Variants in SPRED3 observed in about 807,000 individuals in gnomAD.
SPRED3 encodes the protein sprouty related EVH1 domain containing 3.
SPRED3 carries 23 observed loss-of-function variants against 37.6 expected under a neutral mutation model. The ratio of observed to expected loss-of-function variants is 0.61; its 90% CI spans 0.44 to 0.87. The LOEUF is 0.87. Among genes scored for constraint, SPRED3 ranks in the 40% least tolerant of loss-of-function variants. The pLI is 0.00. For synonymous variants in SPRED3, 302 were observed against 279.6 expected, an observed-to-expected ratio of 1.08 and a Z score of -0.80; for missense variants, 584 against 618.6, an observed-to-expected ratio of 0.94 and a Z score of 0.59.
Position 38,388,815 on chromosome 19 carries a change from C to G in SPRED3, c.-5+8C>G. The G allele has an allele frequency of 2.5e-6, 1 of 397,818 alleles. No individual in the cohort carries two copies. The allele number at this position is 397,818 out of a possible 1,614,324, so 24.6% of individuals were successfully genotyped here. On this transcript the variant is annotated splice_region_variant and intron_variant, in intron 1 of 5. Transcript: ENST00000691638. Reference sequence around the variant, plus strand: ...CCGGCCGGAGCCTCGCAGGCAGGTGCCGAGGGGGGCGAGGGGGCGGGGGCT... The same window carrying G: ...CCGGCCGGAGCCTCGCAGGCAGGTGGCGAGGGGGGCGAGGGGGCGGGGGCT...
chr19:38,392,220 A>ACCC lies in SPRED3; in HGVS notation c.358_360dup (p.Pro120dup), dbSNP rs746461210. On this transcript the variant is annotated inframe_insertion, in exon 4 of 6. Coordinates refer to ENST00000691638, the MANE Select transcript of SPRED3 (RefSeq NM_001394336.1). ...CTCTCTCCCTGCCCCAGGCTCACTCACCCCCTCCTCCTCCTCCTCCTCCTC... is the reference window on the plus strand; with the variant it reads ...CTCTCTCCCTGCCCCAGGCTCACTCACCCCCCCCTCCTCCTCCTCCTCCTCCTC... 6.3e-7 allele frequency: 1 copy of ACCC among 1,582,228 alleles called. No individual in the cohort carries two copies. The highest frequency in any genetic ancestry group is 1.7e-5 in the Admixed American group (1 of 57,304).
chr19:38,394,242 C>G (rs529563882), intron 4 of SPRED3: 1 of 1,356,168 alleles, frequency 7.4e-7, no homozygotes, highest in African/African-American at 1.5e-5. Context: ...AGGAAGGCAG[C>G]TGGCTGCCCA....
chr19:38,391,452 G>A (rs1177283694), intron 2 of SPRED3, among the ~76,000 whole-genome samples: 1 of 152,146 alleles, frequency 6.6e-6, no homozygotes, highest in Non-Finnish European at 1.5e-5. Context: ...TTGAGCCAGA[G>A]GGGGGATGTT....
rs531107640 is a variant in SPRED3 at position 38,399,364 on chromosome 19, C to T, written c.*3219C>T. 1 of 152,334 alleles carries T rather than the reference C, an allele frequency of 6.6e-6. No homozygotes were observed. Among genetic ancestry groups the T allele is most frequent in the East Asian group, 1.9e-4 (1 of 5,172 alleles). The allele number at this position is 152,334 out of a possible 1,614,324, so 9.4% of individuals were successfully genotyped here. On this transcript the variant is annotated 3_prime_UTR_variant, in exon 6 of 6. Transcript: ENST00000691638. Reference sequence around the variant, plus strand: ...ACCCTGGAGCCCCCAGGCCCAATTTCCCAGCCGCTTGCCCCTCAGATCGGA... The same window carrying T: ...ACCCTGGAGCCCCCAGGCCCAATTTTCCAGCCGCTTGCCCCTCAGATCGGA...
chr19:38,396,200 G>T lies in SPRED3; in HGVS notation c.*55G>T. 2 of 1,195,074 alleles carry T rather than the reference G, an allele frequency of 1.7e-6. No homozygotes were observed. The highest frequency in any genetic ancestry group is 2.1e-6 in the Non-Finnish European group (2 of 957,310). 74.0% of individuals were successfully genotyped at this position (1,195,074 alleles called of 1,614,324 possible). ...CGAGGACCCAAAATTGAGGGTCCAG[G>T]ACCCCGGACTCCGTTCGGACCTAAA... On this transcript the variant is annotated 3_prime_UTR_variant, in exon 6 of 6. Coordinates refer to ENST00000691638, the MANE Select transcript of SPRED3 (RefSeq NM_001394336.1).
intron 2 of SPRED3, among the ~76,000 whole-genome samples, chr19:38,390,946 T>C (rs150276801): frequency 1.3e-3 from 197 of 152,194 alleles, no homozygotes; most frequent in African/African-American, 4.7e-3. Context: ...TATACATGGG[T>C]TCATCAGGAA....
Position 38,395,914 on chromosome 19 carries a change from C to T in SPRED3, c.1002C>T (p.Cys334=), listed in dbSNP as rs1359954356. ...LLVRRLSCLW[C]AESLLYHCLS... ...TGCGCCGTCTAAGCTGCCTGTGGTG[C>T]GCCGAGAGCTTGCTCTACCACTGCC... The change falls in exon 6 of 6, where the codon TGC becomes TGT. Residue 334 remains cysteine (C), a synonymous_variant. Transcript: ENST00000691638. The surrounding 1 kb of genome is among the most constrained non-coding windows in gnomAD (Gnocchi z 5.2). 2 of 1,511,354 alleles carry T rather than the reference C, an allele frequency of 1.3e-6. No individual in the cohort carries two copies. The highest frequency in any genetic ancestry group is 1.4e-5 in the African/African-American group (1 of 69,800). 93.6% of individuals were successfully genotyped at this position (1,511,354 alleles called of 1,614,324 possible).
chr19:38,391,866 C>A, intron 2 of SPRED3, 80 bp from the exon 3 acceptor site: 1 of 1,524,248 alleles, frequency 6.6e-7, no homozygotes, highest in Non-Finnish European at 9.0e-7. Flanking sequence ...CTAGGGTATG[C>A]ATGGGGGCTG....
Position 38,398,762 on chromosome 19 carries a change from T to C in SPRED3, c.*2617T>C, listed in dbSNP as rs1271436369. 1.3e-5 allele frequency: 2 copies of C among 152,226 alleles called. No homozygotes were observed. Among genetic ancestry groups the C allele is most frequent in the African/African-American group, 4.8e-5 (2 of 41,450 alleles). 9.4% of individuals were successfully genotyped at this position (152,226 alleles called of 1,614,324 possible). A position where few individuals can be genotyped will look rare whatever the true frequency, so the allele number is the denominator to read the frequency against. On this transcript the variant is annotated 3_prime_UTR_variant, in exon 6 of 6. Coordinates refer to ENST00000691638, the MANE Select transcript of SPRED3 (RefSeq NM_001394336.1). ...TGGGACCTGCATCTGGCCCCAAGCA[T>C]CTGGAACTGTGCACTTAACCTTTCT...
In SPRED3 at chr19:38,394,731, C is replaced by T. The variant is rs759375009; in HGVS notation, c.512C>T (p.Ser171Leu). 3 of 1,590,200 alleles carry T rather than the reference C, an allele frequency of 1.9e-6. No individual in the cohort carries two copies. Among genetic ancestry groups the T allele is most frequent in the Non-Finnish European group, 2.6e-6 (3 of 1,170,972 alleles). ...AAAAPIITME[S>L]ASGFGPTTPP... ...GCGGCCCCCATCATCACGATGGAGT[C>T]AGCTTCAGGCTTCGGGCCGACCACG... The change falls in exon 5 of 6, where the codon TCA becomes TTA. Residue 171 changes from serine (S) to leucine (L), a missense_variant. Ser to Leu is a moderately radical substitution (Grantham distance 145, BLOSUM62 -2). This residue lies in a region of SPRED3 where 310 missense variants were observed against 281.1 expected (regional missense o/e 1.10). Coordinates refer to ENST00000691638, the MANE Select transcript of SPRED3 (RefSeq NM_001394336.1).
Position 38,390,466 on chromosome 19 carries a change from T to C in SPRED3, c.164T>C (p.Leu55Pro). ...QGHYVIHGER[L>P]RDQKTTLECT... is the part of the protein sequence containing the mutation. ...CACTACGTCATCCACGGGGAACGCC[T>C]CCGGGACCAGAAAGTGAGCCACCCT... The change falls in exon 2 of 6, where the codon CTC becomes CCC. Residue 55 changes from leucine to proline, a missense_variant. Around this residue, in one of 7 missense-constraint regions of SPRED3, gnomAD observed 88 missense variants for 77.0 expected, o/e 1.14. Transcript: ENST00000691638. The C allele has an allele frequency of 1.5e-6, 2 of 1,332,054 alleles. No homozygotes were observed. Among genetic ancestry groups the C allele is most frequent in the South Asian group, 2.0e-5 (1 of 50,682 alleles). The allele number at this position is 1,332,054 out of a possible 1,614,324, so 82.5% of individuals were successfully genotyped here. A position where few individuals can be genotyped will look rare whatever the true frequency, so the allele number is the denominator to read the frequency against.
intron 2 of SPRED3, among the ~76,000 whole-genome samples, chr19:38,390,864 C>G (rs1254164483): frequency 1.3e-5 from 2 of 151,470 alleles, no homozygotes; most frequent in East Asian, 3.9e-4. Flanking sequence ...ACCACCTGGC[C>G]CCTGTCTGCC....
Sources: gnomAD v4.1 joint callset for allele counts (sites outside exome capture counted in the v4.1 genomes callset) on GRCh38, gnomAD v4.1.1 for gene constraint, gnomAD v4.1.1 regional missense constraint, Gnocchi (gnomAD v3.1) non-coding constraint, MANE v1.5 for transcripts, NCBI Gene and HGNC (gene_info 2026-07-23, HGNC 2026-07-21) for gene names.